The following CDKAL1 variants were observed in gnomAD, a reference collection of about 807,000 sequenced individuals.
CDKAL1 encodes the protein threonylcarbamoyladenosine tRNA methylthiotransferase.
In CDKAL1, 32 loss-of-function variants were observed where a neutral mutation model predicts 68.2. The observed-to-expected ratio is 0.47, with a 90% CI of 0.35 to 0.63. CDKAL1 has a LOEUF of 0.63. Ranked by LOEUF, CDKAL1 falls within the 30% of genes least tolerant of loss-of-function variation. CDKAL1 has a pLI of 0.00. For missense variants in CDKAL1, 606 were observed against 696.7 expected (o/e 0.87, Z 1.47); for synonymous variants, 234 against 244.3 (o/e 0.96, Z 0.39).
intron 13 of CDKAL1, among the ~76,000 whole-genome samples, chr6:21,183,003 GC>G (rs1777850000): frequency 6.6e-6 from 1 of 151,982 alleles, no homozygotes; most frequent in South Asian, 2.1e-4. Flanking sequence ...TGTTTGCCTT[GC>G]AATCTAAAAT....
intron 13 of CDKAL1, among the ~76,000 whole-genome samples, chr6:21,132,097 AGAG>A (rs1359055740): frequency 6.6e-6 from 1 of 152,190 alleles, no homozygotes; most frequent in African/African-American, 2.4e-5. Flanking sequence ...AATTTTAGAA[AGAG>A]GCTAATAGTT....
intron 11 of CDKAL1, among the ~76,000 whole-genome samples, chr6:21,027,204 AGTCT>A (rs1231349615): frequency 1.3e-5 from 2 of 152,094 alleles, no homozygotes; most frequent in African/African-American, 4.8e-5. Context: ...GCTGTTCATC[AGTCT>A]ATTTTCCTTT....
intron 11 of CDKAL1, among the ~76,000 whole-genome samples, chr6:21,062,335 C>A (rs9465957): frequency 1.3e-5 from 2 of 151,736 alleles, no homozygotes; most frequent in Non-Finnish European, 1.5e-5. Context: ...AGCTGTAGAC[C>A]TTTTGATAAG....
chr6:20,797,957 C>G (rs940489475), intron 8 of CDKAL1, among the ~76,000 whole-genome samples: 1 of 151,788 alleles, frequency 6.6e-6, no homozygotes, highest in African/African-American at 2.4e-5. Flanking sequence ...GCTGGGACTA[C>G]AGGCATGTGC....
At chr6:20,620,001 TG>T (rs749023561) in intron 4 of CDKAL1, among the ~76,000 whole-genome samples, 32 of 152,232 alleles carry the variant, frequency 2.1e-4, no homozygotes, top group Non-Finnish European at 3.8e-4. Context: ...AATCTACTTT[TG>T]TCTGTTTTGT....
At chr6:20,747,806 C>T (rs1235359694) in intron 6 of CDKAL1, among the ~76,000 whole-genome samples, 1 of 152,164 alleles carries the variant, frequency 6.6e-6, no homozygotes, top group Admixed American at 6.5e-5. Context: ...TTGATTGCTT[C>T]CCTTGCTGTG....
chr6:21,091,956 G>T (rs1196578887), intron 12 of CDKAL1, among the ~76,000 whole-genome samples: 3 of 129,822 alleles, frequency 2.3e-5, no homozygotes, highest in Admixed American at 9.2e-5. Context: ...GCGTGATCTC[G>T]GCTCACTGCA....
intron 13 of CDKAL1, among the ~76,000 whole-genome samples, chr6:21,117,417 C>G (rs1774472119): frequency 6.6e-6 from 1 of 151,474 alleles, no homozygotes; most frequent in African/African-American, 2.4e-5. Flanking sequence ...GTGGGCGGAT[C>G]TGTTGAACCC....
intron 13 of CDKAL1, among the ~76,000 whole-genome samples, chr6:21,136,056 G>C (rs1280915593): frequency 6.6e-6 from 1 of 152,078 alleles, no homozygotes; most frequent in Non-Finnish European, 1.5e-5. Context: ...CATTGGTCTT[G>C]CCTCTTTTTC....
At chr6:21,176,018 A>G (rs79715205) in intron 13 of CDKAL1, among the ~76,000 whole-genome samples, 2,468 of 152,380 alleles carry the variant, frequency 0.016, 71 homozygotes, top group African/African-American at 0.057. Flanking sequence ...ACTGTGGGCA[A>G]GAGACTTAAT....
intron 11 of CDKAL1, among the ~76,000 whole-genome samples, chr6:21,052,427 C>T (rs2150912724): frequency 6.6e-6 from 1 of 152,248 alleles, no homozygotes; most frequent in African/African-American, 2.4e-5. Flanking sequence ...CAGCTCACTG[C>T]AGCCTCAAAC....
chr6:20,717,005 TG>T (rs1286899373), intron 5 of CDKAL1, among the ~76,000 whole-genome samples: 1 of 151,986 alleles, frequency 6.6e-6, no homozygotes, highest in Non-Finnish European at 1.5e-5. Context: ...TGATCAGCTG[TG>T]TAAGTGTTGC....
chr6:20,831,988 T>C (rs1023944546), intron 8 of CDKAL1, among the ~76,000 whole-genome samples: 1 of 152,170 alleles, frequency 6.6e-6, no homozygotes, highest in Non-Finnish European at 1.5e-5. Context: ...TTCAAGGCTC[T>C]CCTCTCCTTT....
intron 7 of CDKAL1, among the ~76,000 whole-genome samples, chr6:20,780,318 G>A (rs1424754493): frequency 5.3e-5 from 8 of 151,938 alleles, no homozygotes; most frequent in African/African-American, 1.7e-4. Context: ...TTTTGTGATA[G>A]TGTGTAAAAA....
intron 13 of CDKAL1, among the ~76,000 whole-genome samples, chr6:21,184,473 G>A (rs1198971982): frequency 6.6e-6 from 1 of 152,098 alleles, no homozygotes; most frequent in African/African-American, 2.4e-5. Flanking sequence ...TGGGATTACA[G>A]GCGTGAGCCA....
intron 6 of CDKAL1, among the ~76,000 whole-genome samples, chr6:20,750,315 C>T (rs1773861224): frequency 6.6e-6 from 1 of 152,148 alleles, no homozygotes; most frequent in South Asian, 2.1e-4. Flanking sequence ...AAGTGATTCT[C>T]CCTCCTCACC....
intron 9 of CDKAL1, among the ~76,000 whole-genome samples, chr6:20,862,177 A>G (rs1759666495): frequency 6.6e-6 from 1 of 152,232 alleles, no homozygotes; most frequent in Non-Finnish European, 1.5e-5. Context: ...GCATATCACC[A>G]GGAACTTTTA....
intron 15 of CDKAL1, among the ~76,000 whole-genome samples, chr6:21,204,252 A>G (rs1159163461): frequency 6.6e-6 from 1 of 152,236 alleles, no homozygotes; most frequent in Admixed American, 6.5e-5. Context: ...ACACGAAAGT[A>G]GAGAGAATAG....
rs1011302972 is a variant in CDKAL1 at position 21,221,078 on chromosome 6, A to T, written c.1549-9770A>T. ...GCTACTCGGGAGGCTGAAGCAGGAGAGTCACTTGAACCCGGGAGGCGGAGG... is the reference window on the plus strand; with the variant it reads ...GCTACTCGGGAGGCTGAAGCAGGAGTGTCACTTGAACCCGGGAGGCGGAGG... On this transcript the variant is annotated intron_variant, in intron 15 of 15. Coordinates refer to ENST00000274695, the MANE Select transcript of CDKAL1 (RefSeq NM_017774.3). Among the ~76,000 whole-genome samples, 4 of 151,860 alleles carry T rather than the reference A, an allele frequency of 2.6e-5. No individual in the cohort carries two copies. The East Asian group carries it at 7.8e-4, about 30-fold the overall frequency.
Sources: gnomAD v4.1 joint callset for allele counts (sites outside exome capture counted in the v4.1 genomes callset) on GRCh38, gnomAD v4.1.1 for gene constraint, MANE v1.5 for transcripts, NCBI Gene and HGNC (gene_info 2026-07-23, HGNC 2026-07-21) for gene names.